The following PCDHA3 variants were observed in gnomAD, a reference collection of about 807,000 sequenced individuals.
The protein encoded by PCDHA3 is protocadherin alpha 3.
PCDHA3 carries 41 observed loss-of-function variants against 62.2 expected under a neutral mutation model. The observed-to-expected ratio is 0.66, with a 90% CI of 0.51 to 0.86. PCDHA3 has a LOEUF of 0.86. Among genes scored for constraint, PCDHA3 ranks in the 40% least tolerant of loss-of-function variants. PCDHA3 has a pLI of 0.00. For missense variants in PCDHA3, 1,304 were observed against 1,241.2 expected (o/e 1.05, Z -0.76); for synonymous variants, 640 against 555.4 (o/e 1.15, Z -2.14).
chr5:140,840,412 A>G (rs1776685297), intron 1 of PCDHA3, among the ~76,000 whole-genome samples: 3 of 151,982 alleles, frequency 2.0e-5, no homozygotes, highest in Non-Finnish European at 4.4e-5. Flanking sequence ...GAATACTTCA[A>G]ATAATAGGCT....
At chr5:140,834,207 T>C in intron 1 of PCDHA3, 1 of 628,528 alleles carries the variant, frequency 1.6e-6, no homozygotes, top group Non-Finnish European at 2.7e-6. Flanking sequence ...CCGCAAATTC[T>C]TTCGTAATCA....
chr5:141,007,107 A>G (rs1162403610), intron 3 of PCDHA3, among the ~76,000 whole-genome samples: 1 of 152,190 alleles, frequency 6.6e-6, no homozygotes, highest in Non-Finnish European at 1.5e-5. Context: ...GCCAAACCCA[A>G]GGAAGCTTCA....
At chr5:140,859,461 A>G (rs1394799940) in intron 1 of PCDHA3, 1 of 216,144 alleles carries the variant, frequency 4.6e-6, no homozygotes, top group Non-Finnish European at 9.0e-6. Flanking sequence ...TGACAAAACT[A>G]CACTATCAAT....
chr5:140,972,978 A>G (rs1392208477), intron 1 of PCDHA3, among the ~76,000 whole-genome samples: 1 of 152,058 alleles, frequency 6.6e-6, no homozygotes, highest in African/African-American at 2.4e-5. Flanking sequence ...ACCAAATCTT[A>G]AGGTAGATTC....
intron 1 of PCDHA3, among the ~76,000 whole-genome samples, chr5:140,805,836 C>G (rs1340568137): frequency 6.6e-6 from 1 of 152,126 alleles, no homozygotes; most frequent in African/African-American, 2.4e-5. Flanking sequence ...ATTTTCCCAA[C>G]TAGATATGCG....
intron 1 of PCDHA3, among the ~76,000 whole-genome samples, chr5:140,945,952 G>A (rs2093866662): frequency 6.6e-6 from 1 of 151,910 alleles, no homozygotes; most frequent in African/African-American, 2.4e-5. Context: ...ATATGACCCT[G>A]AAAGCACAGG....
chr5:140,947,035 A>T (rs2094072055), intron 1 of PCDHA3, among the ~76,000 whole-genome samples: 1 of 151,748 alleles, frequency 6.6e-6, no homozygotes, highest in Admixed American at 6.6e-5. Flanking sequence ...GGATATACTA[A>T]TTACCCTGAT....
chr5:140,870,898 G>A (rs781950776), intron 1 of PCDHA3: 124 of 1,613,858 alleles, frequency 7.7e-5, no homozygotes, highest in Non-Finnish European at 1.0e-4. Flanking sequence ...AGTGGATGCG[G>A]ACTCAGGCTA....
rs199928168 is a variant in PCDHA3, at chr5:141,009,915, C to T, written c.2831C>T (p.Thr944Met). The part of the protein sequence containing the change: ...TQEKKEKGNS[T>M]TDNSDQ The stretch of plus-strand genomic sequence containing the variant: ...GAGAAAAAAGAGAAAGGGAACAGCA[C>T]GACTGACAACAGTGACCAGTGAGGT... The change falls in exon 4 of 4, where the codon ACG becomes ATG. Residue 944 changes from threonine to methionine, a missense_variant. Physicochemically the swap from Thr to Met is moderately conservative, Grantham distance 81. Coordinates refer to ENST00000522353, the MANE Select transcript of PCDHA3 (RefSeq NM_018906.3). The T allele has an allele frequency of 9.0e-4, 1,448 of 1,611,544 alleles. 2 individuals carry two copies. Among genetic ancestry groups the T allele is most frequent in the Admixed American group, 3.7e-3 (222 of 59,324 alleles).
In PCDHA3 at chr5:140,803,353, C is replaced by T. The variant is rs1481348508; in HGVS notation, c.2156C>T (p.Thr719Ile). 1.9e-6 allele frequency: 3 copies of T among 1,614,080 alleles called. No individual in the cohort carries two copies. The highest frequency in any genetic ancestry group is 1.7e-5 in the Admixed American group (1 of 60,012). ...SLLVLTLLLYTALRCSAPPTE... is the reference protein window; with the variant it reads ...SLLVLTLLLYIALRCSAPPTE... ...TTGGTGCTCACACTGCTGCTATATA[C>T]TGCTCTGCGGTGCTCCGCGCCGCCA... is the stretch of plus-strand genomic sequence containing the variant. The change falls in exon 1 of 4, where the codon ACT becomes ATT. Residue 719 changes from threonine (T) to isoleucine (I), a missense_variant. Transcript: ENST00000522353.
At chr5:140,830,407 T>C in intron 1 of PCDHA3, 4 of 1,614,170 alleles carry the variant, frequency 2.5e-6, no homozygotes, top group South Asian at 2.2e-5. Flanking sequence ...TCATGGCCTT[T>C]AGCCCCAGCC....
At chr5:140,844,640 A>G (rs1166364249) in intron 1 of PCDHA3, among the ~76,000 whole-genome samples, 4 of 149,532 alleles carry the variant, frequency 2.7e-5, no homozygotes, top group Non-Finnish European at 4.5e-5. Flanking sequence ...ATACATGATA[A>G]TTTCATTCTT....
chr5:140,805,522 C>T, intron 1 of PCDHA3: 2 of 986,750 alleles, frequency 2.0e-6, no homozygotes, highest in African/African-American at 3.5e-5. Flanking sequence ...TTTGTTTAGA[C>T]AAACAGGATG....
At chr5:141,007,426 G>A (rs1255100179) in intron 3 of PCDHA3, among the ~76,000 whole-genome samples, 4 of 151,118 alleles carry the variant, frequency 2.6e-5, no homozygotes, top group Non-Finnish European at 5.9e-5. Flanking sequence ...AAATTAGCCA[G>A]GCATGGTGGC....
chr5:140,888,640 A>G (rs2153424746), intron 1 of PCDHA3, among the ~76,000 whole-genome samples: 1 of 152,282 alleles, frequency 6.6e-6, no homozygotes, highest in East Asian at 1.9e-4. Context: ...TTACAGCAAT[A>G]CTTTCCTGAG....
chr5:140,846,801 G>A (rs1780686436), intron 1 of PCDHA3, among the ~76,000 whole-genome samples: 1 of 149,422 alleles, frequency 6.7e-6, no homozygotes, highest in Admixed American at 6.7e-5. Context: ...CCAGCCCCTG[G>A]CTTTAAAATT....
At chr5:140,818,421 A>G (rs1363859481) in intron 1 of PCDHA3, among the ~76,000 whole-genome samples, 2 of 152,234 alleles carry the variant, frequency 1.3e-5, no homozygotes, top group Non-Finnish European at 2.9e-5. Context: ...TTTTAAAAAT[A>G]TATTTCTAAC....
At chr5:140,821,940 G>A (rs1262850471) in intron 1 of PCDHA3, 1 of 1,614,066 alleles carries the variant, frequency 6.2e-7, no homozygotes, top group African/African-American at 1.3e-5. Context: ...GGCTGGAGCT[G>A]GCGGAGCTGG....
chr5:140,835,847 G>A (rs140727991), intron 1 of PCDHA3: 20 of 1,612,228 alleles, frequency 1.2e-5, no homozygotes, highest in Non-Finnish European at 1.7e-5. Flanking sequence ...AGAAGAACGC[G>A]CTGGTGTCCT....
Sources: allele counts gnomAD v4.1 joint callset (sites outside exome capture counted in the v4.1 genomes callset), GRCh38; gene constraint gnomAD v4.1.1; transcripts MANE v1.5; gene names NCBI Gene and HGNC (gene_info 2026-07-23, HGNC 2026-07-21).